Variants in PAPSS2 observed in about 807,000 individuals in gnomAD.
PAPSS2 encodes the protein 3'-phosphoadenosine 5'-phosphosulfate synthase 2, also known as bifunctional 3'-phosphoadenosine 5'-phosphosulfate synthase 2.
PAPSS2 carries 61 observed loss-of-function variants against 66.5 expected under a neutral mutation model. The ratio of observed to expected loss-of-function variants is 0.92; its 90% CI spans 0.75 to 1.14. PAPSS2 has a LOEUF of 1.14. Ranked by LOEUF, PAPSS2 falls within the 50% of genes most tolerant of loss-of-function variation. The pLI is 0.00. For synonymous variants in PAPSS2, 289 were observed against 287.5 expected, an observed-to-expected ratio of 1.01 and a Z score of -0.05; for missense variants, 708 against 789.6, an observed-to-expected ratio of 0.90 and a Z score of 1.24.
In PAPSS2 at chr10:87,714,805, C is replaced by T; in HGVS notation, c.581C>T (p.Thr194Ile). The T allele has an allele frequency of 6.2e-7, 1 of 1,613,692 alleles. No homozygotes were observed. Among genetic ancestry groups the T allele is most frequent in the Non-Finnish European group, 8.5e-7 (1 of 1,179,634 alleles). The change falls in exon 5 of 13, where the codon ACC becomes ATC. Residue 194 changes from threonine to isoleucine, a missense_variant. Transcript: ENST00000456849. ...GAAACTCCTGAGCGTGTGCTTAAAA[C>T]CAATTTGTCCACAGTGAGTGACTGT... is the stretch of plus-strand genomic sequence containing the variant. ...KPETPERVLK[T>I]NLSTVSDCVH... is the part of the protein sequence containing the mutation.
At chr10:87,736,066 G>A (rs958838824) in intron 9 of PAPSS2, among the ~76,000 whole-genome samples, 1 of 152,094 alleles carries the variant, frequency 6.6e-6, no homozygotes, top group Non-Finnish European at 1.5e-5. Flanking sequence ...AGTGGTGAAA[G>A]GTACTTGGGG....
chr10:87,722,629 G>C (rs1853610817), intron 8 of PAPSS2, among the ~76,000 whole-genome samples: 1 of 152,144 alleles, frequency 6.6e-6, no homozygotes, highest in African/African-American at 2.4e-5. Flanking sequence ...AAATAATCAA[G>C]GCAGTGCCCA....
chr10:87,713,730 A>ACTCTTCTT (rs1272283600), intron 3 of PAPSS2, among the ~76,000 whole-genome samples: 1 of 152,170 alleles, frequency 6.6e-6, no homozygotes, highest in African/African-American at 2.4e-5. Context: ...ATGGAGTGTC[A>ACTCTTCTT]CTCTTCTTTT....
Position 87,743,485 on chromosome 10 carries a change from A to C in PAPSS2, c.1335A>C (p.Leu445=). The change falls in exon 11 of 13, where the codon CTA becomes CTC. Residue 445 remains leucine (L), a synonymous_variant. Coordinates refer to ENST00000456849, the MANE Select transcript of PAPSS2 (RefSeq NM_001015880.2). ...GGGGCTACAAGCACCCGGTCCTCCT[A>C]CTACACCCTCTGGGCGGCTGGACCA... ...LERGYKHPVL[L]LHPLGGWTKD... The C allele has an allele frequency of 6.2e-7, 1 of 1,614,074 alleles. No homozygotes were observed. Among genetic ancestry groups the C allele is most frequent in the East Asian group, 2.2e-5 (1 of 44,852 alleles).
intron 1 of PAPSS2, among the ~76,000 whole-genome samples, chr10:87,698,207 C>T (rs778717207): frequency 3.9e-5 from 6 of 152,140 alleles, no homozygotes; most frequent in Non-Finnish European, 5.9e-5. Context: ...TTCGAAAAGT[C>T]AAATCAACTT....
At position 87,746,105 on chromosome 10, in the gene PAPSS2, AATTAAAAAAAAATATATATATATAC is replaced by A; in HGVS notation, c.*137_*161del. 1.4e-6 allele frequency: 1 copy of A among 719,300 alleles called. No homozygotes were observed. Among genetic ancestry groups the A allele is most frequent in the East Asian group, 3.0e-5 (1 of 33,584 alleles). The allele number at this position is 719,300 out of a possible 1,614,324, so 44.6% of individuals were successfully genotyped here. On this transcript the variant is annotated 3_prime_UTR_variant, in exon 13 of 13. Transcript: ENST00000456849. ...ATAATGAAGTAAAAGTTGTGTCTAT[AATTAAAAAAAAATATATATATATAC>A]ACACACACATATACATACAAAGTCA...
intron 1 of PAPSS2, chr10:87,661,120 G>T: frequency 2.3e-6 from 1 of 430,542 alleles, no homozygotes; most frequent in South Asian, 1.6e-5. Flanking sequence ...AGGTGTATTT[G>T]TGGTGGGCCG....
intron 1 of PAPSS2, among the ~76,000 whole-genome samples, chr10:87,688,437 T>TTTTTATTTTATTTTA (rs199886943): frequency 6.9e-6 from 1 of 145,926 alleles, no homozygotes; most frequent in African/African-American, 2.6e-5. Context: ...GGAAATTTCT[T>TTTTTATTTTATTTTA]TTTTATTTTA....
rs536434559 is a variant in PAPSS2, at chr10:87,702,576, G to A, written c.28-6620G>A. Among the ~76,000 whole-genome samples, 10 of 152,354 alleles carry A rather than the reference G, an allele frequency of 6.6e-5. 1 individual carries two copies. Among genetic ancestry groups the A allele is most frequent in the African/African-American group, 2.4e-4 (10 of 41,576 alleles). On this transcript the variant is annotated intron_variant, in intron 1 of 12. Transcript: ENST00000456849. ...CACGTTTAATCAGCAAGGGAGCAAT[G>A]AAAGCAGAGACCAGTGGCAATGAGG... is the stretch of plus-strand genomic sequence containing the variant.
intron 9 of PAPSS2, among the ~76,000 whole-genome samples, chr10:87,740,834 A>G (rs773024165): frequency 2.6e-5 from 4 of 152,152 alleles, no homozygotes; most frequent in Non-Finnish European, 5.9e-5. Context: ...AAAGATTGCA[A>G]ATATGTAAAA....
intron 7 of PAPSS2, among the ~76,000 whole-genome samples, chr10:87,721,197 G>C (rs1490885053): frequency 1.3e-5 from 2 of 152,196 alleles, no homozygotes; most frequent in East Asian, 3.8e-4. Flanking sequence ...ATATGTATTA[G>C]AAAGGTTAAA....
rs573291269 is a variant in PAPSS2, at chr10:87,683,932, C to T, written c.27+23924C>T. Among the ~76,000 whole-genome samples the T allele has an allele frequency of 6.6e-5, 10 of 152,218 alleles. No individual in the cohort carries two copies. In the East Asian group the frequency reaches 1.5e-3, roughly 24 times the overall value. ...CTGGTCTTGAACTCCTGGCTTCAAG[C>T]GATCCTCCCACCTTGGCCTCCCAAA... is the stretch of plus-strand genomic sequence containing the variant. On this transcript the variant is annotated intron_variant, in intron 1 of 12. Transcript: ENST00000456849.
chr10:87,729,546 T>A (rs949022383), intron 9 of PAPSS2, among the ~76,000 whole-genome samples: 2 of 152,112 alleles, frequency 1.3e-5, no homozygotes, highest in African/African-American at 2.4e-5. Context: ...TCTCTCTCCC[T>A]CTCCTTGGGC....
At chr10:87,695,939 T>A (rs1054847442) in intron 1 of PAPSS2, among the ~76,000 whole-genome samples, 1 of 152,170 alleles carries the variant, frequency 6.6e-6, no homozygotes, top group Non-Finnish European at 1.5e-5. Flanking sequence ...ACACCCAGGA[T>A]AGCCATGAAA....
At chr10:87,665,417 T>G (rs976625532) in intron 1 of PAPSS2, among the ~76,000 whole-genome samples, 2 of 152,214 alleles carry the variant, frequency 1.3e-5, no homozygotes, top group African/African-American at 4.8e-5. Context: ...TTCACCGCGT[T>G]AACCAGGATG....
intron 9 of PAPSS2, among the ~76,000 whole-genome samples, chr10:87,729,043 T>C (rs2131721700): frequency 6.6e-6 from 1 of 152,250 alleles, no homozygotes. Flanking sequence ...ATTTTATCTT[T>C]ACTCAGTGAC....
intron 1 of PAPSS2, among the ~76,000 whole-genome samples, chr10:87,663,644 C>T (rs1368448944): frequency 1.3e-5 from 2 of 152,158 alleles, no homozygotes; most frequent in Non-Finnish European, 2.9e-5. Flanking sequence ...AAAACTCATG[C>T]TCTTGACCCC....
intron 8 of PAPSS2, among the ~76,000 whole-genome samples, chr10:87,725,106 T>A (rs545808055): frequency 1.3e-5 from 2 of 152,294 alleles, no homozygotes; most frequent in East Asian, 3.9e-4. Flanking sequence ...TCTACTTTAC[T>A]CAAAGTCTAC....
At chr10:87,662,880 CTT>C (rs796467803) in intron 1 of PAPSS2, among the ~76,000 whole-genome samples, 6 of 146,488 alleles carry the variant, frequency 4.1e-5, no homozygotes, top group African/African-American at 2.5e-5. Flanking sequence ...TTCTTTCTTT[CTT>C]TTTTTTTTTG....
Sources: allele counts gnomAD v4.1 joint callset (sites outside exome capture counted in the v4.1 genomes callset), GRCh38; gene constraint gnomAD v4.1.1; transcripts MANE v1.5; gene names NCBI Gene and HGNC (gene_info 2026-07-23, HGNC 2026-07-21).